ASXL1: variants seen among roughly 807,000 people sequenced by gnomAD.
ASXL1 encodes the protein polycomb group protein ASXL1.
ASXL1 carries 65 observed loss-of-function variants against 89.1 expected under a neutral mutation model. The ratio of observed to expected loss-of-function variants is 0.73; its 90% CI spans 0.60 to 0.90. The LOEUF (loss-of-function observed/expected upper bound fraction) is 0.90. Ranked by LOEUF, ASXL1 falls within the 40% of genes least tolerant of loss-of-function variation. The probability of loss-of-function intolerance (pLI) is 0.00; values close to 1 mark genes in which losing one functional copy is unlikely to be tolerated. For missense variants in ASXL1, 1,786 were observed against 1,942.9 expected, an observed-to-expected ratio of 0.92 and a Z score of 1.52; for synonymous variants, 739 against 746.9, an observed-to-expected ratio of 0.99 and a Z score of 0.17.
chr20:32,427,993 G>A, intron 4 of ASXL1, 135 bp from the exon 5 acceptor site: 2 of 1,277,850 alleles, frequency 1.6e-6, no homozygotes, highest in Non-Finnish European at 2.2e-6. Flanking sequence ...TGAGAAAAAG[G>A]TCAGTTAGAA....
intron 1 of ASXL1, among the ~76,000 whole-genome samples, chr20:32,361,449 C>T (rs1399593517): frequency 1.3e-5 from 2 of 151,172 alleles, no homozygotes; most frequent in African/African-American, 2.4e-5. Context: ...ACCAGCTTGG[C>T]CAACAAGGTA....
intron 4 of ASXL1, among the ~76,000 whole-genome samples, chr20:32,379,161 CTTTTTTTTTTTTTTTTTTTTTTTTTTT>C (rs71187113): frequency 6.5e-5 from 4 of 61,794 alleles, no homozygotes; most frequent in East Asian, 6.5e-4. Context: ...TAACTTCAGT[CTTTTTTTTTTTTTTTTTTTTTTTTTTT>C]TTTTTTTTTT....
chr20:32,414,783 T>C (rs1407167523), intron 4 of ASXL1, among the ~76,000 whole-genome samples: 1 of 152,156 alleles, frequency 6.6e-6, no homozygotes, highest in African/African-American at 2.4e-5. Flanking sequence ...ACCTAGATGC[T>C]TTTAGGGGAT....
chr20:32,430,089 G>A (rs1476326175), intron 8 of ASXL1, 36 bp downstream of exon 8: 22 of 1,596,234 alleles, frequency 1.4e-5, no homozygotes, highest in East Asian at 2.2e-5. Flanking sequence ...TGCCTGTAAA[G>A]GGGGCCCCTG....
At chr20:32,369,951 C>T (rs2048273249) in intron 4 of ASXL1, among the ~76,000 whole-genome samples, 1 of 151,426 alleles carries the variant, frequency 6.6e-6, no homozygotes, top group Non-Finnish European at 1.5e-5. Flanking sequence ...GAACTCCTGA[C>T]CTTGTGATCC....
intron 1 of ASXL1, chr20:32,359,703 A>C (rs1301670881): frequency 1.4e-6 from 1 of 718,014 alleles, no homozygotes. Context: ...GGATTTAGCA[A>C]GGGAGAGCGT....
chr20:32,428,005 G>T, intron 4 of ASXL1, 123 bp from the exon 5 acceptor site: 1 of 1,407,002 alleles, frequency 7.1e-7, no homozygotes, highest in East Asian at 2.4e-5. Flanking sequence ...CAGTTAGAAA[G>T]GGTTAGGAAC....
chr20:32,419,203 G>A (rs1569304699), intron 4 of ASXL1, among the ~76,000 whole-genome samples: 1 of 151,732 alleles, frequency 6.6e-6, no homozygotes. Flanking sequence ...TTTAGGGTTT[G>A]TTTGTTTTTG....
intron 1 of ASXL1, among the ~76,000 whole-genome samples, chr20:32,361,579 A>C (rs572101116): frequency 1.8e-5 from 2 of 112,634 alleles, no homozygotes; most frequent in East Asian, 5.3e-4. Flanking sequence ...TGGAGGTTGC[A>C]GAGAGCCAAG....
At chr20:32,397,548 T>C (rs6058674) in intron 4 of ASXL1, among the ~76,000 whole-genome samples, 100,567 of 150,728 alleles carry the variant, frequency 0.67, 35,059 homozygotes, top group East Asian at 0.99. Context: ...TACAGGTGTG[T>C]GCCACCACTC....
intron 3 of ASXL1, among the ~76,000 whole-genome samples, chr20:32,368,465 C>A (rs962848467): frequency 6.6e-6 from 1 of 152,136 alleles, no homozygotes; most frequent in African/African-American, 2.4e-5. Flanking sequence ...AAAACTCAAT[C>A]TCCCCACTTC....
chr20:32,364,623 G>A (rs983541552), intron 1 of ASXL1, among the ~76,000 whole-genome samples: 6 of 152,226 alleles, frequency 3.9e-5, no homozygotes, highest in Non-Finnish European at 5.9e-5. Flanking sequence ...AGAGCCTGGA[G>A]CTCCTGAGCG....
intron 4 of ASXL1, among the ~76,000 whole-genome samples, chr20:32,386,736 C>T (rs1482623086): frequency 1.3e-5 from 2 of 151,060 alleles, no homozygotes; most frequent in Non-Finnish European, 1.5e-5. Context: ...CTTCTGAAAT[C>T]GAAATCAAAT....
chr20:32,386,901 A>G (rs1391875603), intron 4 of ASXL1, among the ~76,000 whole-genome samples: 1 of 150,174 alleles, frequency 6.7e-6, no homozygotes, highest in Non-Finnish European at 1.5e-5. Context: ...AGGTCTAGCA[A>G]CTCATGTGTC....
At chr20:32,416,798 T>C (rs2049145499) in intron 4 of ASXL1, among the ~76,000 whole-genome samples, 1 of 152,246 alleles carries the variant, frequency 6.6e-6, no homozygotes, top group Non-Finnish European at 1.5e-5. Context: ...TTACATTTTC[T>C]TTGCATTTTG....
At position 32,358,657 on chromosome 20, in the gene ASXL1, C is replaced by A; in HGVS notation, c.-119C>A. The A allele has an allele frequency of 3.5e-6, 1 of 287,256 alleles. No homozygotes were observed. Among genetic ancestry groups the A allele is most frequent in the Non-Finnish European group, 5.3e-6 (1 of 188,536 alleles). The allele number at this position is 287,256 out of a possible 1,614,324, so 17.8% of individuals were successfully genotyped here. A position where few individuals can be genotyped will look rare whatever the true frequency, so the allele number is the denominator to read the frequency against. The stretch of plus-strand genomic sequence containing the variant: ...CTCCCCGGCCGCACCCGAGACCTCG[C>A]GCGCCGCCGCTGCCACGCGCCCCCC... On this transcript the variant is annotated 5_prime_UTR_variant, in exon 1 of 13. Transcript: ENST00000375687.
intron 3 of ASXL1, 136 bp downstream of exon 3, chr20:32,367,865 A>G (rs999723008): frequency 1.8e-5 from 13 of 713,934 alleles, no homozygotes; most frequent in Non-Finnish European, 3.3e-5. Flanking sequence ...CAGAGGTATA[A>G]TATGTAGGAG....
chr20:32,359,803 T>G (rs2048079488), intron 1 of ASXL1: 5 of 717,804 alleles, frequency 7.0e-6, no homozygotes, highest in South Asian at 5.9e-5. Context: ...TGAAATAGCT[T>G]CCTTTTGGAT....
chr20:32,398,615 G>GTTTTTT (rs1358499355), intron 4 of ASXL1, among the ~76,000 whole-genome samples: 1 of 80,810 alleles, frequency 1.2e-5, no homozygotes. Context: ...TTTTTTTTTT[G>GTTTTTT]TTTTTTTTTT....
Sources: gnomAD v4.1 joint callset for allele counts (sites outside exome capture counted in the v4.1 genomes callset) on GRCh38, gnomAD v4.1.1 for gene constraint, MANE v1.5 for transcripts, NCBI Gene and HGNC (gene_info 2026-07-23, HGNC 2026-07-21) for gene names.